PTPRD: variants seen among roughly 807,000 people sequenced by gnomAD.
PTPRD encodes the protein protein tyrosine phosphatase receptor type D, also known as receptor-type tyrosine-protein phosphatase delta.
PTPRD carries 34 observed loss-of-function variants against 214.5 expected under a neutral mutation model. The observed-to-expected ratio is 0.16, with a 90% CI of 0.12 to 0.21. The LOEUF (loss-of-function observed/expected upper bound fraction) is 0.21. Among genes scored for constraint, PTPRD ranks in the 10% least tolerant of loss-of-function variants. The pLI is 1.00. For synonymous variants in PTPRD, 1,128 were observed against 845.7 expected, an observed-to-expected ratio of 1.33 and a Z score of -5.79; for missense variants, 2,545 against 2,398.7, an observed-to-expected ratio of 1.06 and a Z score of -1.27.
chr9:10,345,781 G>A lies in PTPRD; in HGVS notation c.-599-4764C>T, dbSNP rs574542698. On this transcript the variant is annotated intron_variant, in intron 2 of 45. Coordinates refer to ENST00000381196, the MANE Select transcript of PTPRD (RefSeq NM_002839.4). Reference sequence around the variant, plus strand: ...TTGTAATCCTTTGGGTATAATCCCAGTAATGGGATTGCTGAGTCAAATGGT... The same window carrying A: ...TTGTAATCCTTTGGGTATAATCCCAATAATGGGATTGCTGAGTCAAATGGT... Among the ~76,000 whole-genome samples the A allele has an allele frequency of 3.7e-4, 56 of 152,304 alleles. 2 individuals carry two copies. In the South Asian group the frequency reaches 0.011, roughly 31 times the overall value.
At chr9:8,861,597 C>T (rs1018585695) in intron 11 of PTPRD, 1 of 152,104 alleles carries the variant, frequency 6.6e-6, no homozygotes, top group African/African-American at 2.4e-5. Context: ...GTAATTTGGC[C>T]AAGCTGACAC....
intron 14 of PTPRD, among the ~76,000 whole-genome samples, chr9:8,604,399 C>G (rs1468742394): frequency 6.6e-6 from 1 of 152,142 alleles, no homozygotes; most frequent in Non-Finnish European, 1.5e-5. Context: ...AGGAAGAAGA[C>G]TTACTAAGGC....
At chr9:9,741,626 C>T (rs2098403771) in intron 6 of PTPRD, among the ~76,000 whole-genome samples, 1 of 152,108 alleles carries the variant, frequency 6.6e-6, no homozygotes, top group South Asian at 2.1e-4. Flanking sequence ...CCCTGACAGG[C>T]CCCAGTGTGT....
intron 12 of PTPRD, among the ~76,000 whole-genome samples, chr9:8,729,113 C>A (rs1304086989): frequency 6.6e-6 from 1 of 152,212 alleles, no homozygotes; most frequent in East Asian, 1.9e-4. Flanking sequence ...TGTTTACCTA[C>A]AGTAAATTTC....
intron 9 of PTPRD, among the ~76,000 whole-genome samples, chr9:9,288,349 CT>C (rs1950144609): frequency 6.6e-6 from 1 of 151,688 alleles, no homozygotes; most frequent in Non-Finnish European, 1.5e-5. Context: ...TACTCTGGAC[CT>C]TTTGCAGTCA....
chr9:8,763,807 G>C (rs1328217396), intron 11 of PTPRD, among the ~76,000 whole-genome samples: 1 of 151,882 alleles, frequency 6.6e-6, no homozygotes, highest in East Asian at 1.9e-4. Context: ...ATCAAAATGA[G>C]ACCATGAGCA....
intron 2 of PTPRD, among the ~76,000 whole-genome samples, chr9:10,456,692 T>G (rs565249757): frequency 1.3e-5 from 2 of 151,826 alleles, no homozygotes; most frequent in African/African-American, 4.8e-5. Flanking sequence ...TTTTTCAGTG[T>G]GTTTTCTTTT....
At chr9:8,799,266 C>T (rs1350138572) in intron 11 of PTPRD, among the ~76,000 whole-genome samples, 2 of 152,108 alleles carry the variant, frequency 1.3e-5, no homozygotes, top group Admixed American at 1.3e-4. Context: ...TAAAGGTTTC[C>T]TCAAGGAACC....
chr9:9,786,525 C>G (rs2098925383), intron 5 of PTPRD, among the ~76,000 whole-genome samples: 1 of 152,162 alleles, frequency 6.6e-6, no homozygotes, highest in African/African-American at 2.4e-5. Flanking sequence ...AGAAACACAA[C>G]AGAATGTTAT....
At position 8,341,185 on chromosome 9, in the gene PTPRD, A is replaced by G. The variant is rs12351899; in HGVS notation, c.5031T>C (p.Asn1677=). The G allele has an allele frequency of 2.5e-3, 4,029 of 1,613,170 alleles. 92 individuals carry two copies. In the African/African-American group the frequency reaches 0.046, roughly 18 times the overall value. Residue 1677 remains asparagine, a synonymous_variant, in exon 41 of 46, where the codon AAT becomes AAC. Transcript: ENST00000381196. ...PCNKFKNRLV[N]IMPYESTRVC... is the part of the protein sequence containing the mutation. The stretch of plus-strand genomic sequence containing the variant: ...CCCTTGTGGATTCATATGGCATAAT[A>G]TTAACAAGGCGATTTTTGAATTTAT...
intron 10 of PTPRD, among the ~76,000 whole-genome samples, chr9:9,145,247 T>C (rs2099866694): frequency 6.6e-6 from 1 of 152,192 alleles, no homozygotes; most frequent in South Asian, 2.1e-4. Flanking sequence ...ATGTGTACTA[T>C]TAAATATTAC....
At chr9:9,499,443 A>T (rs990769696) in intron 8 of PTPRD, among the ~76,000 whole-genome samples, 4 of 152,102 alleles carry the variant, frequency 2.6e-5, no homozygotes, top group Non-Finnish European at 4.4e-5. Flanking sequence ...TAGTTCATCA[A>T]ATGGAAATCT....
At chr9:8,832,155 G>A (rs1460787549) in intron 11 of PTPRD, among the ~76,000 whole-genome samples, 2 of 151,220 alleles carry the variant, frequency 1.3e-5, no homozygotes, top group African/African-American at 2.4e-5. Flanking sequence ...ACATATGTCT[G>A]ATGACTACCA....
rs1040933122 is a variant in PTPRD at position 8,314,355 on chromosome 9, GAAAAT to G, written c.*3514_*3518del. 5.3e-5 allele frequency: 12 copies of G among 228,380 alleles called. No homozygotes were observed. The highest frequency in any genetic ancestry group is 2.7e-4 in the African/African-American group (12 of 45,050). 14.1% of individuals were successfully genotyped at this position (228,380 alleles called of 1,614,324 possible). ...TTTCGCCACCAATGTAACGAAGTAA[GAAAAT>G]AAAAAGCACGCCTTTCATTCTGTAA... On this transcript the variant is annotated 3_prime_UTR_variant, in exon 46 of 46. Transcript: ENST00000381196.
At chr9:8,604,133 A>G (rs1273265095) in intron 14 of PTPRD, among the ~76,000 whole-genome samples, 1 of 152,308 alleles carries the variant, frequency 6.6e-6, no homozygotes. Flanking sequence ...TGTTGTTGTA[A>G]AGTAAGGAAC....
At chr9:9,940,707 T>A (rs2091219442) in intron 4 of PTPRD, among the ~76,000 whole-genome samples, 2 of 152,170 alleles carry the variant, frequency 1.3e-5, no homozygotes, top group South Asian at 2.1e-4. Flanking sequence ...TATGCTCCAG[T>A]CATGCTGAGC....
intron 11 of PTPRD, among the ~76,000 whole-genome samples, chr9:8,823,562 G>A (rs1288797782): frequency 6.6e-6 from 1 of 152,040 alleles, no homozygotes; most frequent in African/African-American, 2.4e-5. Flanking sequence ...AAGGCGGGAA[G>A]ATCACCTGGG....
At chr9:10,308,864 G>T (rs1388757796) in intron 3 of PTPRD, among the ~76,000 whole-genome samples, 2 of 152,004 alleles carry the variant, frequency 1.3e-5, no homozygotes, top group Non-Finnish European at 2.9e-5. Context: ...GGTTTTGTCT[G>T]TCACTGGGCG....
Position 8,468,279 on chromosome 9 carries a change from A to G in PTPRD, c.3505-2604T>C, listed in dbSNP as rs113239954. ...GGTTCAAATGGGCTCAGATGACACC[A>G]AAGTCAGCCAGCATGTTGCAGTTAC... is the stretch of plus-strand genomic sequence containing the variant. On this transcript the variant is annotated intron_variant, in intron 31 of 45. Coordinates refer to ENST00000381196, the MANE Select transcript of PTPRD (RefSeq NM_002839.4). Among the ~76,000 whole-genome samples, 148 of 152,110 alleles carry G rather than the reference A, an allele frequency of 9.7e-4. 2 individuals carry two copies. The highest frequency in any genetic ancestry group is 3.4e-3 in the African/African-American group (142 of 41,522).
Sources: allele counts gnomAD v4.1 joint callset (sites outside exome capture counted in the v4.1 genomes callset), GRCh38; gene constraint gnomAD v4.1.1; transcripts MANE v1.5; gene names NCBI Gene and HGNC (gene_info 2026-07-23, HGNC 2026-07-21).